The following MKS1 variants were observed in gnomAD, a reference collection of about 807,000 sequenced individuals.
The protein encoded by MKS1 is MKS transition zone complex subunit 1.
MKS1 carries 70 observed loss-of-function variants against 83.7 expected under a neutral mutation model. The observed-to-expected ratio is 0.84, with a 90% CI of 0.69 to 1.02. The LOEUF is 1.02. MKS1 is among the 50% of genes least tolerant of loss of function. The probability of loss-of-function intolerance (pLI) is 0.00; values close to 1 mark genes in which losing one functional copy is unlikely to be tolerated. For missense variants in MKS1, 681 were observed against 726.9 expected, an observed-to-expected ratio of 0.94 and a Z score of 0.73; for synonymous variants, 251 against 273.4, an observed-to-expected ratio of 0.92 and a Z score of 0.81.
At chr17:58,218,219 C>T (rs1429051436) in intron 2 of MKS1, among the ~76,000 whole-genome samples, 3 of 151,954 alleles carry the variant, frequency 2.0e-5, no homozygotes, top group African/African-American at 7.2e-5. Flanking sequence ...GAGGCCAAGG[C>T]GGGCGGATCA....
intron 14 of MKS1, chr17:58,207,607 T>C: frequency 1.8e-6 from 1 of 556,518 alleles, no homozygotes; most frequent in Non-Finnish European, 3.2e-6. Flanking sequence ...TGCTGATTCA[T>C]TCAATACACA....
At chr17:58,208,612 C>T (rs2143758170) in intron 11 of MKS1, 29 bp from the exon 12 acceptor site, 1 of 1,605,578 alleles carries the variant, frequency 6.2e-7, no homozygotes, top group Non-Finnish European at 8.5e-7. Context: ...ATATAGTAAG[C>T]TCGCCTGGGA....
At chr17:58,216,894 G>A (rs1969252989) in intron 2 of MKS1, among the ~76,000 whole-genome samples, 158 bp from the exon 3 acceptor site, 1 of 152,230 alleles carries the variant, frequency 6.6e-6, no homozygotes, top group Non-Finnish European at 1.5e-5. Context: ...AAATGCTAGA[G>A]AGGCTGTATA....
chr17:58,208,177 AT>A lies in MKS1; in HGVS notation c.1096-4del. ...TAGGAGAAGTGAGCCACCTTGTCCT[AT>A]AAAAAGGAGTGTCATAGGGTGGGCA... On this transcript the variant is annotated splice_polypyrimidine_tract_variant and splice_region_variant and intron_variant, in intron 12 of 17. Coordinates refer to ENST00000393119, the MANE Select transcript of MKS1 (RefSeq NM_017777.4). The A allele has an allele frequency of 6.2e-7, 1 of 1,610,824 alleles. No individual in the cohort carries two copies. Among genetic ancestry groups the A allele is most frequent in the Non-Finnish European group, 8.5e-7 (1 of 1,176,982 alleles).
In MKS1 at chr17:58,206,320, T is replaced by A; in HGVS notation, c.1551A>T (p.Glu517Asp). ...GAATGGAACTCTGCTGGCTGAACCC[T>A]TCCAGACGGTCCAACACACTCCGCA... ...KRMRSVLDRL[E>D]GFSQQSSIHN... Residue 517 changes from glutamate to aspartate, a missense_variant, in exon 17 of 18, where the codon GAA (glutamate) becomes GAT (aspartate). Coordinates refer to ENST00000393119, the MANE Select transcript of MKS1 (RefSeq NM_017777.4). 1.2e-6 allele frequency: 2 copies of A among 1,614,032 alleles called. No individual in the cohort carries two copies. Among genetic ancestry groups the A allele is most frequent in the Non-Finnish European group, 1.7e-6 (2 of 1,179,998 alleles).
rs990955357 is a variant in MKS1, at chr17:58,216,135, G to A, written c.370C>T (p.Arg124Ter). Residue 124 changes from arginine to a stop codon, truncating the protein, a stop_gained, in exon 4 of 18, where the codon CGA becomes TGA. Coordinates refer to ENST00000393119, the MANE Select transcript of MKS1 (RefSeq NM_017777.4). LOFTEE classifies it high-confidence loss of function. Reference sequence around the variant, plus strand: ...TCAGAGTCAGTGTAGGTAAAGATTCGTCGGTTTTTCTTGCCACCCGAATTC... The same window carrying A: ...TCAGAGTCAGTGTAGGTAAAGATTCATCGGTTTTTCTTGCCACCCGAATTC... ...LENSGGKKNRRIFTYTDSDRY... is the reference protein window; with the variant it reads ...LENSGGKKNR 5.0e-6 allele frequency: 8 copies of A among 1,614,016 alleles called. No individual in the cohort carries two copies. Among genetic ancestry groups the A allele is most frequent in the East Asian group, 2.2e-5 (1 of 44,894 alleles).
At position 58,217,280 on chromosome 17, in the gene MKS1, C is replaced by T. The variant is rs781548213; in HGVS notation, c.191-544G>A. ...CTGGGATTACAGGCGTGGGCCACGG[C>T]GCTCAGCCCGCTCCAGGAAATATCT... On this transcript the variant is annotated intron_variant, in intron 2 of 17. Coordinates refer to ENST00000393119, the MANE Select transcript of MKS1 (RefSeq NM_017777.4). 4.1e-4 allele frequency among the ~76,000 whole-genome samples: 63 copies of T among 152,236 alleles called. 1 individual carries two copies. Among genetic ancestry groups the T allele is most frequent in the Non-Finnish European group, 8.4e-4 (57 of 68,042 alleles).
At chr17:58,208,237 A>G in intron 12 of MKS1, 63 bp from the exon 13 acceptor site, 1 of 1,423,602 alleles carries the variant, frequency 7.0e-7, no homozygotes, top group South Asian at 1.2e-5. Context: ...CCTTGTGGCC[A>G]ATGACAAGGT....
Position 58,216,253 on chromosome 17 carries a change from C to T in MKS1, c.262-10G>A, listed in dbSNP as rs772852025. The T allele has an allele frequency of 6.2e-7, 1 of 1,610,948 alleles. No individual in the cohort carries two copies. Among genetic ancestry groups the T allele is most frequent in the Admixed American group, 1.7e-5 (1 of 60,020 alleles). ...ACAGATCTACTTCAAACTGAGGTTA[C>T]CATAAGGAAACAGAGATGTGTACAT... On this transcript the variant is annotated splice_polypyrimidine_tract_variant and intron_variant, in intron 3 of 17. Coordinates refer to ENST00000393119, the MANE Select transcript of MKS1 (RefSeq NM_017777.4).
At chr17:58,210,405 T>C (rs141160050) in intron 11 of MKS1, among the ~76,000 whole-genome samples, 11 of 150,144 alleles carry the variant, frequency 7.3e-5, no homozygotes, top group African/African-American at 2.7e-4. Context: ...ACCAGCGAGA[T>C]AGGAGAGAGA....
Position 58,205,924 on chromosome 17 carries a change from G to A in MKS1, c.*155C>T, listed in dbSNP as rs754562608. ...AGGGTAGGGAGAAGACCCTGCAGAA[G>A]GCTAGGCAGAGGGGCCAGCCGGGAA... is the stretch of plus-strand genomic sequence containing the variant. On this transcript the variant is annotated 3_prime_UTR_variant, in exon 18 of 18. Transcript: ENST00000393119. 4.1e-5 allele frequency: 61 copies of A among 1,500,408 alleles called. No homozygotes were observed. Among genetic ancestry groups the A allele is most frequent in the Non-Finnish European group, 5.3e-5 (60 of 1,126,954 alleles). 92.9% of individuals were successfully genotyped at this position (1,500,408 alleles called of 1,614,324 possible).
Position 58,209,804 on chromosome 17 carries a change from A to G in MKS1, c.1024+855T>C, listed in dbSNP as rs1383978150. On this transcript the variant is annotated intron_variant, in intron 11 of 17. Coordinates refer to ENST00000393119, the MANE Select transcript of MKS1 (RefSeq NM_017777.4). The surrounding 1 kb of genome is among the most constrained non-coding windows in gnomAD (Gnocchi z 4.1). Reference sequence around the variant, plus strand: ...ACTTGTTTACATTTTTTAAAGCTCAACTTGGCTTTGGTGTCTGTGGCAAAT... The same window carrying G: ...ACTTGTTTACATTTTTTAAAGCTCAGCTTGGCTTTGGTGTCTGTGGCAAAT... 5.9e-5 allele frequency among the ~76,000 whole-genome samples: 9 copies of G among 152,206 alleles called. No individual in the cohort carries two copies. Among genetic ancestry groups the G allele is most frequent in the Admixed American group, 5.9e-4 (9 of 15,280 alleles).
At chr17:58,213,703 A>G (rs1209807577) in intron 7 of MKS1, 62 bp downstream of exon 7, 6 of 1,279,692 alleles carry the variant, frequency 4.7e-6, no homozygotes, top group Non-Finnish European at 5.7e-6. Context: ...TTGACTAGGG[A>G]CAAAAAGTGC....
rs747865022 is a variant in MKS1, at chr17:58,214,390, G to A, written c.516-3C>T. On this transcript the variant is annotated splice_region_variant and splice_polypyrimidine_tract_variant and intron_variant, in intron 5 of 17. Coordinates refer to ENST00000393119, the MANE Select transcript of MKS1 (RefSeq NM_017777.4). ...GTGACTTGAGGATGCCGCCCTCCCTGGGAGACACCACAGAAAGGTCACTTC... is the reference window on the plus strand; with the variant it reads ...GTGACTTGAGGATGCCGCCCTCCCTAGGAGACACCACAGAAAGGTCACTTC... 20 of 1,612,776 alleles carry A rather than the reference G, an allele frequency of 1.2e-5. No homozygotes were observed. The highest frequency in any genetic ancestry group is 1.6e-5 in the Non-Finnish European group (19 of 1,180,012).
Position 58,219,193 on chromosome 17 carries a change from G to T in MKS1, c.38C>A (p.Ala13Glu), listed in dbSNP as rs1969448667. 1 of 1,551,142 alleles carries T rather than the reference G, an allele frequency of 6.4e-7. No individual in the cohort carries two copies. The highest frequency in any genetic ancestry group is 8.7e-7 in the Non-Finnish European group (1 of 1,147,008). Residue 13 changes from alanine to glutamate, a missense_variant, in exon 1 of 18, where the codon GCA becomes GAA. Ala to Glu is a moderately radical substitution (Grantham distance 107, BLOSUM62 -1). Around this residue, in one of 3 missense-constraint regions of MKS1, gnomAD observed 365 missense variants for 383.8 expected, o/e 0.95. Transcript: ENST00000393119. ...ETVWSTDTGE[A>E]VYRSRDPVRN... ...CACGGGGTCCCGGGAGCGATACACT[G>T]CCTCCCCGGTGTCAGTGCTCCAGAC... is the stretch of plus-strand genomic sequence containing the variant.
Position 58,207,976 on chromosome 17 carries a change from G to A in MKS1, c.1191C>T (p.Leu397=). 2 of 1,614,126 alleles carry A rather than the reference G, an allele frequency of 1.2e-6. No individual in the cohort carries two copies. The highest frequency in any genetic ancestry group is 1.6e-4 in the Middle Eastern group (1 of 6,062). Residue 397 remains leucine (L), a synonymous_variant, in exon 14 of 18, where the codon CTC becomes CTT. Coordinates refer to ENST00000393119, the MANE Select transcript of MKS1 (RefSeq NM_017777.4). ...SSDALPEWPV[L]YCEVLSLDFW... ...AGTCCAGCGAGAGGACCTCACAGTA[G>A]AGCACAGGCCACTCCGGGAGTGCAT...
Position 58,205,671 on chromosome 17 carries a change from C to A in MKS1, c.*408G>T. ...GATTTAAGACCCTCTCACCGTCCAC[C>A]TTCCTTCCTTCTTTGGTCTTGGAAG... On this transcript the variant is annotated 3_prime_UTR_variant, in exon 18 of 18. Coordinates refer to ENST00000393119, the MANE Select transcript of MKS1 (RefSeq NM_017777.4). 7.6e-7 allele frequency: 1 copy of A among 1,310,992 alleles called. No homozygotes were observed. 81.2% of individuals were successfully genotyped at this position (1,310,992 alleles called of 1,614,324 possible). A position where few individuals can be genotyped will look rare whatever the true frequency, so the allele number is the denominator to read the frequency against.
At chr17:58,218,940 G>A in intron 1 of MKS1, 1 of 858,522 alleles carries the variant, frequency 1.2e-6, no homozygotes, top group South Asian at 1.6e-5. Context: ...GAAACTGGGA[G>A]CAACAAAGAC....
chr17:58,215,899 A>C, intron 4 of MKS1, 189 bp downstream of exon 4: 1 of 685,080 alleles, frequency 1.5e-6, no homozygotes, highest in Non-Finnish European at 2.5e-6. Flanking sequence ...AGGGAGCAGC[A>C]GCCTCACCAC....
Sources: allele counts gnomAD v4.1 joint callset (sites outside exome capture counted in the v4.1 genomes callset), GRCh38; gene constraint gnomAD v4.1.1; regional missense constraint gnomAD v4.1.1; non-coding constraint Gnocchi (gnomAD v3.1); transcripts MANE v1.5; gene names NCBI Gene and HGNC (gene_info 2026-07-23, HGNC 2026-07-21).